The following PCDH15 variants were observed in gnomAD, a reference collection of about 807,000 sequenced individuals.
PCDH15 encodes the protein protocadherin-15.
Under a neutral mutation model 178.5 loss-of-function variants are expected in PCDH15, and 129 were observed. That is an observed-to-expected ratio of 0.72 (90% CI 0.63 to 0.84). The LOEUF (loss-of-function observed/expected upper bound fraction) is 0.84, where lower values mean the gene tolerates loss of function less well. Among genes scored for constraint, PCDH15 ranks in the 40% least tolerant of loss-of-function variants. The pLI, the probability that PCDH15 is intolerant of heterozygous loss-of-function variation, is 0.00. For synonymous variants in PCDH15, 800 were observed against 732.0 expected, an observed-to-expected ratio of 1.09 and a Z score of -1.50; for missense variants, 2,230 against 2,099.9, an observed-to-expected ratio of 1.06 and a Z score of -1.21.
chr10:55,541,182 A>G (rs1377942177), intron 2 of PCDH15, among the ~76,000 whole-genome samples: 1 of 151,974 alleles, frequency 6.6e-6, no homozygotes, highest in Non-Finnish European at 1.5e-5. Flanking sequence ...GTGGAATATA[A>G]TTTACACTAA....
chr10:53,820,094 G>T (rs2076203537), intron 33 of PCDH15, 71 bp downstream of exon 33: 1 of 396,106 alleles, frequency 2.5e-6, no homozygotes, highest in Admixed American at 4.4e-5. Context: ...TTTTACATTT[G>T]CAAAAAGCTG....
chr10:55,074,710 T>C (rs146735003), intron 2 of PCDH15, among the ~76,000 whole-genome samples: 7 of 152,320 alleles, frequency 4.6e-5, no homozygotes, highest in Non-Finnish European at 8.8e-5. Flanking sequence ...GCAGAAGCTC[T>C]TTAGTTTGAT....
At chr10:54,968,178 C>T (rs1457124787) in intron 2 of PCDH15, among the ~76,000 whole-genome samples, 1 of 152,140 alleles carries the variant, frequency 6.6e-6, no homozygotes, top group African/African-American at 2.4e-5. Context: ...GTTCATTAAA[C>T]TGCTAATCTG....
At chr10:55,485,770 C>T (rs113339024) in intron 2 of PCDH15, among the ~76,000 whole-genome samples, 7 of 151,682 alleles carry the variant, frequency 4.6e-5, no homozygotes, top group African/African-American at 1.7e-4. Flanking sequence ...ACCATACAAT[C>T]CAGTAATTCC....
chr10:54,370,512 C>G (rs1320109825), intron 4 of PCDH15, among the ~76,000 whole-genome samples: 1 of 151,834 alleles, frequency 6.6e-6, no homozygotes. Context: ...AGCCCTATGC[C>G]TAAGACAGAT....
At chr10:55,198,305 TC>T (rs766736274) in intron 1 of PCDH15, among the ~76,000 whole-genome samples, 1 of 152,014 alleles carries the variant, frequency 6.6e-6, no homozygotes, top group Non-Finnish European at 1.5e-5. Context: ...TGAATTTTAA[TC>T]CCCACGTATT....
At chr10:55,169,477 C>T (rs1839275702) in intron 1 of PCDH15, among the ~76,000 whole-genome samples, 1 of 152,148 alleles carries the variant, frequency 6.6e-6, no homozygotes, top group Non-Finnish European at 1.5e-5. Context: ...AAATGTGCAA[C>T]AGCAGAAAGG....
chr10:54,515,579 G>T (rs1416709925), intron 3 of PCDH15, among the ~76,000 whole-genome samples: 2 of 152,238 alleles, frequency 1.3e-5, no homozygotes, highest in Non-Finnish European at 2.9e-5. Flanking sequence ...CAAAAAGACA[G>T]CAGTAACCTC....
chr10:55,561,672 A>C (rs1412348754), intron 2 of PCDH15, among the ~76,000 whole-genome samples: 1 of 151,846 alleles, frequency 6.6e-6, no homozygotes, highest in Non-Finnish European at 1.5e-5. Flanking sequence ...TACCTGGTAC[A>C]TTTTAAAACT....
At chr10:54,495,372 T>G (rs1417653562) in intron 3 of PCDH15, among the ~76,000 whole-genome samples, 2 of 152,186 alleles carry the variant, frequency 1.3e-5, no homozygotes, top group Non-Finnish European at 2.9e-5. Flanking sequence ...CTAAATAGCT[T>G]CTGCATCTAT....
intron 2 of PCDH15, among the ~76,000 whole-genome samples, chr10:54,576,924 C>T (rs1040823253): frequency 1.5e-5 from 2 of 136,846 alleles, no homozygotes; most frequent in African/African-American, 5.5e-5. Flanking sequence ...GAGGAGTACG[C>T]AATCTGTTAA....
intron 1 of PCDH15, among the ~76,000 whole-genome samples, chr10:54,709,150 T>G (rs2095400454): frequency 6.6e-6 from 1 of 152,120 alleles, no homozygotes; most frequent in African/African-American, 2.4e-5. Flanking sequence ...CATTACTATA[T>G]GGAACTTACA....
At chr10:54,211,534 A>G (rs545526773) in intron 10 of PCDH15, among the ~76,000 whole-genome samples, 70 of 152,202 alleles carry the variant, frequency 4.6e-4, no homozygotes, top group African/African-American at 1.7e-3. Flanking sequence ...AATCACTGGG[A>G]GAAAAAGAGA....
At chr10:55,014,137 G>A (rs1421200743) in intron 2 of PCDH15, among the ~76,000 whole-genome samples, 2 of 151,986 alleles carry the variant, frequency 1.3e-5, no homozygotes, top group African/African-American at 4.8e-5. Flanking sequence ...TGAGAAAGTA[G>A]TTCTGCATTT....
chr10:53,815,985 G>A (rs975015509), intron 35 of PCDH15, among the ~76,000 whole-genome samples: 1 of 152,134 alleles, frequency 6.6e-6, no homozygotes, highest in Non-Finnish European at 1.5e-5. Flanking sequence ...TGAATGGCCC[G>A]TATTTATTAG....
At chr10:54,063,205 T>A (rs1290081723) in intron 18 of PCDH15, among the ~76,000 whole-genome samples, 4 of 152,220 alleles carry the variant, frequency 2.6e-5, no homozygotes, top group Admixed American at 2.0e-4. Context: ...GACCCTTTAG[T>A]GGCTCCCCCG....
chr10:55,326,942 A>G lies in PCDH15; in HGVS notation c.-155-160291T>C, dbSNP rs182810272. 2.5e-3 allele frequency among the ~76,000 whole-genome samples: 378 copies of G among 152,264 alleles called. 1 individual carries two copies. The highest frequency in any genetic ancestry group is 8.7e-3 in the South Asian group (42 of 4,830). On this transcript the variant is annotated intron_variant, in intron 2 of 5. Transcript: ENST00000613346. ...GAATGGTTACCACATGTAAAAACAA[A>G]TGTATTTCTAGACATAGACCTTACA...
intron 2 of PCDH15, among the ~76,000 whole-genome samples, chr10:55,120,843 T>A (rs1264304542): frequency 1.3e-5 from 2 of 152,162 alleles, no homozygotes; most frequent in Non-Finnish European, 2.9e-5. Context: ...GTTTGCATAC[T>A]GCCAACTCTG....
chr10:54,395,403 T>G (rs1951074488), intron 3 of PCDH15, among the ~76,000 whole-genome samples: 1 of 147,762 alleles, frequency 6.8e-6, no homozygotes, highest in African/African-American at 2.5e-5. Flanking sequence ...TGACTATTAT[T>G]CCTGTCTATC....
Sources: allele counts gnomAD v4.1 joint callset (sites outside exome capture counted in the v4.1 genomes callset), GRCh38; gene constraint gnomAD v4.1.1; transcripts MANE v1.5; gene names NCBI Gene and HGNC (gene_info 2026-07-23, HGNC 2026-07-21).